VSTM2A: variants seen among roughly 807,000 people sequenced by gnomAD.
VSTM2A encodes the protein V-set and transmembrane domain containing 2A.
A neutral mutation model predicts 27.3 loss-of-function variants in VSTM2A; 13 were observed. That is an observed-to-expected ratio of 0.48 (90% CI 0.31 to 0.76). The LOEUF is 0.76. Ranked by LOEUF, VSTM2A falls within the 30% of genes least tolerant of loss-of-function variation. The pLI, the probability that VSTM2A is intolerant of heterozygous loss-of-function variation, is 0.05. For synonymous variants in VSTM2A, 142 were observed against 125.7 expected (o/e 1.13, Z -0.87); for missense variants, 280 against 310.0 (o/e 0.90, Z 0.73).
chr7:54,545,650 A>G (rs1371569522), intron 2 of VSTM2A, among the ~76,000 whole-genome samples: 3 of 50,552 alleles, frequency 5.9e-5, no homozygotes, highest in Non-Finnish European at 1.1e-4. Flanking sequence ...GGAGACGGGA[A>G]GAGACAGTGA....
At chr7:54,547,538 C>T (rs1788042417) in intron 3 of VSTM2A, among the ~76,000 whole-genome samples, 2 of 152,042 alleles carry the variant, frequency 1.3e-5, no homozygotes, top group Admixed American at 1.3e-4. Context: ...ATTATAGGAG[C>T]TTGACCTATT....
At chr7:54,543,140 GCAAA>G (rs1256986098) in intron 1 of VSTM2A, among the ~76,000 whole-genome samples, 1 of 152,032 alleles carries the variant, frequency 6.6e-6, no homozygotes, top group Non-Finnish European at 1.5e-5. Flanking sequence ...CATAATCATC[GCAAA>G]CAAACACAGG....
rs961082624 is a variant in VSTM2A at position 54,542,422 on chromosome 7, C to T, written c.-309C>T. ...TTAGGGAGGGCAGTGATCACGCAAG[C>T]CGGAGCGGCGGGCTGACGTTGGACG... On this transcript the variant is annotated 5_prime_UTR_variant, in exon 1 of 5. Coordinates refer to ENST00000402613, the MANE Select transcript of VSTM2A (RefSeq NM_001301009.2). 5.4e-5 allele frequency: 25 copies of T among 458,968 alleles called. No homozygotes were observed. The highest frequency in any genetic ancestry group is 4.2e-4 in the African/African-American group (21 of 50,380). 28.4% of individuals were successfully genotyped at this position (458,968 alleles called of 1,614,324 possible). A position where few individuals can be genotyped will look rare whatever the true frequency, so the allele number is the denominator to read the frequency against.
chr7:54,559,733 A>G (rs1011035831), intron 4 of VSTM2A: 1 of 152,152 alleles, frequency 6.6e-6, no homozygotes, highest in African/African-American at 2.4e-5. Flanking sequence ...CAGATGACCA[A>G]AAGGAAAGTT....
intron 1 of VSTM2A, among the ~76,000 whole-genome samples, chr7:54,543,124 T>C (rs1474442415): frequency 6.6e-6 from 1 of 152,088 alleles, no homozygotes; most frequent in African/African-American, 2.4e-5. Flanking sequence ...TAGCCACTCA[T>C]GCATACATAA....
At chr7:54,542,878 T>G in intron 1 of VSTM2A, 69 bp downstream of exon 1, 1 of 1,429,890 alleles carries the variant, frequency 7.0e-7, no homozygotes, top group Non-Finnish European at 9.8e-7. Flanking sequence ...TCAAAAAGAA[T>G]GGACAGGCAG....
In VSTM2A at chr7:54,550,061, C is replaced by A; in HGVS notation, c.525C>A (p.Asn175Lys). ...MWLQDMKPRK[N>K]VSAAIPSSIH... ...TGCAGGATATGAAGCCCCGCAAGAA[C>A]GTCTCCGCAGCCATCCCCAGCAGCA... The change falls in exon 4 of 5, where the codon AAC (asparagine) becomes AAA (lysine). Residue 175 changes from asparagine (N) to lysine (K), a missense_variant. Coordinates refer to ENST00000402613, the MANE Select transcript of VSTM2A (RefSeq NM_001301009.2). 1 of 1,609,174 alleles carries A rather than the reference C, an allele frequency of 6.2e-7. No individual in the cohort carries two copies. Among genetic ancestry groups the A allele is most frequent in the South Asian group, 1.1e-5 (1 of 89,982 alleles).
intron 4 of VSTM2A, chr7:54,551,403 C>A (rs903664718): frequency 6.6e-6 from 1 of 151,640 alleles, no homozygotes; most frequent in East Asian, 1.9e-4. Context: ...TCTGAGTTTG[C>A]CCTGCCTTAT....
In VSTM2A at chr7:54,570,126, C is replaced by G. The variant is rs188402663; in HGVS notation, c.*907C>G. The stretch of plus-strand genomic sequence containing the variant: ...ATTCAAAATTGTATCAGTCTCTGAT[C>G]GATGAATTAATTTTGTTATGTCTGT... On this transcript the variant is annotated 3_prime_UTR_variant, in exon 5 of 5. Transcript: ENST00000402613. 12 of 152,206 alleles carry G rather than the reference C, an allele frequency of 7.9e-5. No individual in the cohort carries two copies. The highest frequency in any genetic ancestry group is 2.4e-4 in the African/African-American group (10 of 41,534). 9.4% of individuals were successfully genotyped at this position (152,206 alleles called of 1,614,324 possible).
intron 4 of VSTM2A, among the ~76,000 whole-genome samples, chr7:54,568,534 A>C (rs953694530): frequency 1.4e-5 from 2 of 146,052 alleles, no homozygotes; most frequent in Non-Finnish European, 3.0e-5. Flanking sequence ...TCGAGGATTA[A>C]AAAAAAAAAA....
At chr7:54,546,127 AGAG>A (rs1787956071) in intron 2 of VSTM2A, 2 of 147,028 alleles carry the variant, frequency 1.4e-5, no homozygotes, top group South Asian at 2.3e-4. Context: ...AGAGAGGGAG[AGAG>A]GAGTAGAGAA....
chr7:54,560,083 A>G (rs1788507054), intron 4 of VSTM2A: 1 of 152,182 alleles, frequency 6.6e-6, no homozygotes. Flanking sequence ...TTTTCCAATT[A>G]AAAAATGGTA....
At chr7:54,563,074 G>C (rs1313677382) in intron 4 of VSTM2A, among the ~76,000 whole-genome samples, 1 of 152,072 alleles carries the variant, frequency 6.6e-6, no homozygotes, top group Non-Finnish European at 1.5e-5. Context: ...TTCTTGGAAA[G>C]GTTTCTGTTT....
At chr7:54,556,282 A>G (rs1788355123) in intron 4 of VSTM2A, among the ~76,000 whole-genome samples, 2 of 152,172 alleles carry the variant, frequency 1.3e-5, no homozygotes, top group South Asian at 4.1e-4. Context: ...AGGAATGCTG[A>G]TTCTCTGAAC....
chr7:54,558,099 A>G (rs1788429931), intron 4 of VSTM2A: 1 of 152,212 alleles, frequency 6.6e-6, no homozygotes, highest in Admixed American at 6.5e-5. Context: ...ATTTTTAAGA[A>G]TTTAAACTGC....
intron 4 of VSTM2A, chr7:54,559,076 C>T (rs1788467231): frequency 6.6e-6 from 1 of 151,710 alleles, no homozygotes; most frequent in Non-Finnish European, 1.5e-5. Flanking sequence ...CCTAATCAGT[C>T]GTAATAGAGA....
Position 54,565,739 on chromosome 7 carries a change from A to G in VSTM2A, c.635-3392A>G, listed in dbSNP as rs911960282. On this transcript the variant is annotated intron_variant, in intron 4 of 4. Transcript: ENST00000402613. ...CGAGGCTGCCAAGGTCTCAACTACT[A>G]TGTTTTGATTGTTTTTAATTTTGCT... Among the ~76,000 whole-genome samples the G allele has an allele frequency of 7.2e-5, 11 of 152,170 alleles. No individual in the cohort carries two copies. In the East Asian group the frequency reaches 1.9e-3, roughly 27 times the overall value.
Position 54,565,612 on chromosome 7 carries a change from C to T in VSTM2A, c.635-3519C>T, listed in dbSNP as rs73398747. Among the ~76,000 whole-genome samples the T allele has an allele frequency of 6.2e-3, 941 of 152,306 alleles. 10 individuals carry two copies. Among genetic ancestry groups the T allele is most frequent in the African/African-American group, 0.021 (867 of 41,576 alleles). On this transcript the variant is annotated intron_variant, in intron 4 of 4. Transcript: ENST00000402613. ...GGAGCTGGTGGCACTCAGGCAGTGA[C>T]GCGGAAGCAGGCCCTGACCTCTCCA...
At chr7:54,563,396 G>C (rs762216360) in intron 4 of VSTM2A, among the ~76,000 whole-genome samples, 1 of 152,146 alleles carries the variant, frequency 6.6e-6, no homozygotes, top group Non-Finnish European at 1.5e-5. Flanking sequence ...TAAAGAAATC[G>C]TAAGTGTTCA....
Sources: allele counts gnomAD v4.1 joint callset (sites outside exome capture counted in the v4.1 genomes callset), GRCh38; gene constraint gnomAD v4.1.1; transcripts MANE v1.5; gene names NCBI Gene and HGNC (gene_info 2026-07-23, HGNC 2026-07-21).